The following CYP2D6 variants were observed in gnomAD, a reference collection of about 807,000 sequenced individuals.
CYP2D6 encodes the protein cytochrome P450 family 2 subfamily D member 6 (gene/pseudogene).
A neutral mutation model predicts 43.5 loss-of-function variants in CYP2D6; 51 were observed. The ratio of observed to expected loss-of-function variants is 1.17; its 90% CI spans 0.94 to 1.48. The LOEUF is 1.48. Ranked by LOEUF, CYP2D6 falls within the 40% of genes most tolerant of loss-of-function variation. The probability of loss-of-function intolerance (pLI) is 0.00; values close to 1 mark genes in which losing one functional copy is unlikely to be tolerated. For missense variants in CYP2D6, 698 were observed against 688.0 expected (o/e 1.01, Z -0.16); for synonymous variants, 346 against 297.1 (o/e 1.16, Z -1.69).
At position 42,127,836 on chromosome 22, in the gene CYP2D6, G is replaced by C. The variant is rs1376594434; in HGVS notation, c.985+6C>G. The C allele has an allele frequency of 6.2e-7, 1 of 1,610,614 alleles. No individual in the cohort carries two copies. The highest frequency in any genetic ancestry group is 1.3e-5 in the African/African-American group (1 of 74,280). The stretch of plus-strand genomic sequence containing the variant: ...GGCCCCTGCACTGTTTCCCAGATGG[G>C]CTCACGCTGCACATCCGGATGTAGG... On this transcript the variant is annotated splice_donor_region_variant and intron_variant, in intron 6 of 8. Transcript: ENST00000645361.
In CYP2D6 at chr22:42,126,734, C is replaced by T. The variant is rs267608318; in HGVS notation, c.1334G>A (p.Gly445Glu). ...PFSAGRRACLGEPLARMELFL... is the reference protein window; with the variant it reads ...PFSAGRRACLEEPLARMELFL... ...GAGCTCCATGCGGGCCAGGGGCTCCCCGAGGCATGCACGGCGGCCTGTGGG... is the reference window on the plus strand; with the variant it reads ...GAGCTCCATGCGGGCCAGGGGCTCCTCGAGGCATGCACGGCGGCCTGTGGG... The change falls in exon 9 of 9, where the codon GGG becomes GAG. Residue 445 changes from glycine to glutamate, a missense_variant. Gly to Glu is a moderately conservative substitution (Grantham distance 98). This residue lies in a region of CYP2D6 where 85 missense variants were observed against 81.2 expected (regional missense o/e 1.05). Coordinates refer to ENST00000645361, the MANE Select transcript of CYP2D6 (RefSeq NM_000106.6). 5 of 1,556,922 alleles carry T rather than the reference C, an allele frequency of 3.2e-6. No individual in the cohort carries two copies. In the African/African-American group the frequency reaches 4.1e-5, roughly 13 times the overall value.
chr22:42,127,546 G>C lies in CYP2D6; in HGVS notation c.1074C>G (p.Ala358=). 1 of 1,612,172 alleles carries C rather than the reference G, an allele frequency of 6.2e-7. No homozygotes were observed. The part of the protein sequence containing the change: ...GDQAHMPYTT[A]VIHEVQRFGD... The stretch of plus-strand genomic sequence containing the variant: ...CAAAGCGCTGCACCTCATGAATCAC[G>C]GCAGTGGTGTAGGGCATGTGAGCCT... The change falls in exon 7 of 9, where the codon GCC becomes GCG. Residue 358 remains alanine (A), a synonymous_variant. Transcript: ENST00000645361.
Position 42,130,456 on chromosome 22 carries a change from C to A in CYP2D6, c.180+156G>T, listed in dbSNP as rs1450718033. The stretch of plus-strand genomic sequence containing the variant: ...CCTTTGGAAAATCCAGTCCTTCATG[C>A]CATGTATAAATGCCCTTCTCCAGGA... On this transcript the variant is annotated intron_variant, in intron 1 of 8. Coordinates refer to ENST00000645361, the MANE Select transcript of CYP2D6 (RefSeq NM_000106.6). The A allele has an allele frequency of 4.6e-6, 4 of 873,750 alleles. No homozygotes were observed. The African/African-American group carries it at 5.1e-5, about 11-fold the overall frequency. 54.1% of individuals were successfully genotyped at this position (873,750 alleles called of 1,614,324 possible).
intron 2 of CYP2D6, chr22:42,129,401 G>A: frequency 1.2e-6 from 1 of 817,840 alleles, no homozygotes; most frequent in Non-Finnish European, 2.0e-6. Context: ...TTTGCACTCA[G>A]GGAAGACCCC....
chr22:42,128,743 G>C (rs1249585694), intron 4 of CYP2D6, 41 bp downstream of exon 4: 1 of 1,587,246 alleles, frequency 6.3e-7, no homozygotes, highest in South Asian at 1.1e-5. Flanking sequence ...CACCTCTCGG[G>C]AGCTCGCCCT....
In CYP2D6 at chr22:42,127,858, T is replaced by C; in HGVS notation, c.969A>G (p.Leu323=). 3 of 1,610,886 alleles carry C rather than the reference T, an allele frequency of 1.9e-6. No individual in the cohort carries two copies. Among genetic ancestry groups the C allele is most frequent in the Non-Finnish European group, 2.5e-6 (3 of 1,178,050 alleles). Residue 323 remains leucine, a synonymous_variant, in exon 6 of 9, where the codon CTA becomes CTG. Transcript: ENST00000645361. The part of the protein sequence containing the change: ...TLAWGLLLMI[L]HPDVQRRVQQ... The stretch of plus-strand genomic sequence containing the variant: ...TGGGCTCACGCTGCACATCCGGATG[T>C]AGGATCATGAGCAGGAGGCCCCAGG...
In CYP2D6 at chr22:42,130,718, C is replaced by G. The variant is rs138417770; in HGVS notation, c.74G>C (p.Arg25Pro). 3 of 1,601,558 alleles carry G rather than the reference C, an allele frequency of 1.9e-6. No individual in the cohort carries two copies. Among genetic ancestry groups the G allele is most frequent in the Non-Finnish European group, 2.6e-6 (3 of 1,173,686 alleles). ...GTAGCGTGCAGCCCAGCGTTGGCGC[C>G]GGTGCATCAGGTCCACCAGGAGCAG... is the stretch of plus-strand genomic sequence containing the variant. ...IFLLLVDLMH[R>P]RQRWAARYPP... Residue 25 changes from arginine (R) to proline (P), a missense_variant, in exon 1 of 9, where the codon CGG (arginine) becomes CCG (proline). Coordinates refer to ENST00000645361, the MANE Select transcript of CYP2D6 (RefSeq NM_000106.6).
rs267608303 is a variant in CYP2D6, at chr22:42,129,171, G to A, written c.367C>T (p.Arg123Cys). ...TGCTCGCGCCACGCGGGCCCATAGCGCGCCAGGAACACCCCTGGGGGTGGG... is the reference window on the plus strand; with the variant it reads ...TGCTCGCGCCACGCGGGCCCATAGCACGCCAGGAACACCCCTGGGGGTGGG... ...GPRSQGVFLA[R>C]YGPAWREQRR... is the part of the protein sequence containing the mutation. Residue 123 changes from arginine (R) to cysteine (C), a missense_variant, in exon 3 of 9, where the codon CGC becomes TGC. Around this residue, in one of 5 missense-constraint regions of CYP2D6, gnomAD observed 588 missense variants for 521.1 expected, o/e 1.13. Transcript: ENST00000645361. 8.7e-6 allele frequency: 14 copies of A among 1,605,624 alleles called. 1 individual carries two copies. The highest frequency in any genetic ancestry group is 8.4e-5 in the Admixed American group (5 of 59,870).
At chr22:42,129,951 C>T in intron 1 of CYP2D6, 42 bp from the exon 2 acceptor site, 1 of 1,488,858 alleles carries the variant, frequency 6.7e-7, no homozygotes, top group Non-Finnish European at 9.0e-7. Context: ...GCCAGGATCA[C>T]CCCAGACTAC....
rs2146945299 is a variant in CYP2D6 at position 42,130,801 on chromosome 22, A to C, written c.-10T>G. The C allele has an allele frequency of 6.4e-7, 1 of 1,559,368 alleles. No homozygotes were observed. Among genetic ancestry groups the C allele is most frequent in the Non-Finnish European group, 8.7e-7 (1 of 1,150,794 alleles). Reference sequence around the variant, plus strand: ...GTGCTTCTAGCCCCATACCTGCCTCACTACCAAATGGGCTCCTCTGGACAC... The same window carrying C: ...GTGCTTCTAGCCCCATACCTGCCTCCCTACCAAATGGGCTCCTCTGGACAC... On this transcript the variant is annotated 5_prime_UTR_variant, in exon 1 of 9. Transcript: ENST00000645361.
intron 2 of CYP2D6, 105 bp from the exon 3 acceptor site, chr22:42,129,290 T>A: frequency 2.1e-6 from 3 of 1,407,702 alleles, no homozygotes; most frequent in Non-Finnish European, 2.9e-6. Flanking sequence ...AGTCCCTGGC[T>A]CTGTCCAGCT....
chr22:42,128,783 C>A lies in CYP2D6; in HGVS notation c.666+1G>T. 1 of 1,605,496 alleles carries A rather than the reference C, an allele frequency of 6.2e-7. No homozygotes were observed. Among genetic ancestry groups the A allele is most frequent in the Non-Finnish European group, 8.5e-7 (1 of 1,175,492 alleles). On this transcript the variant is annotated splice_donor_variant, in intron 4 of 8. Transcript: ENST00000645361. LOFTEE classifies it high-confidence loss of function. Reference sequence around the variant, plus strand: ...AGACTCCTCGGTCTCTCGCTCCGCACCTCGCGCAGAAAGCCCGACTCCTCC... The same window carrying A: ...AGACTCCTCGGTCTCTCGCTCCGCAACTCGCGCAGAAAGCCCGACTCCTCC...
intron 6 of CYP2D6, 86 bp downstream of exon 6, chr22:42,127,756 A>G (rs2146932256): frequency 1.3e-6 from 2 of 1,578,698 alleles, no homozygotes; most frequent in Non-Finnish European, 1.7e-6. Context: ...CTGTGCTTGG[A>G]GCCCCGGGTG....
Position 42,129,799 on chromosome 22 carries a change from G to C in CYP2D6, c.291C>G (p.Asp97Glu), listed in dbSNP as rs76802407. 1.7e-4 allele frequency: 267 copies of C among 1,606,714 alleles called. 15 individuals are homozygous for C. In the African/African-American group the frequency reaches 2.8e-3, roughly 17 times the overall value. The change falls in exon 2 of 9, where the codon GAC becomes GAG. Residue 97 changes from aspartate to glutamate, a missense_variant. By Grantham distance (45) the Asp-to-Glu change is conservative (BLOSUM62 2). Around this residue, in one of 5 missense-constraint regions of CYP2D6, gnomAD observed 588 missense variants for 521.1 expected, o/e 1.13. Transcript: ENST00000645361. ...VREALVTHGEDTADRPPVPIT... is the reference protein window; with the variant it reads ...VREALVTHGEETADRPPVPIT... ...TGGGCACAGGCGGGCGGTCGGCGGT[G>C]TCCTCGCCGTGGGTCACCAGCGCCT...
At chr22:42,128,085 C>G in intron 5 of CYP2D6, 89 bp downstream of exon 5, 2 of 1,587,154 alleles carry the variant, frequency 1.3e-6, no homozygotes, top group Non-Finnish European at 1.7e-6. Flanking sequence ...GGGTGATGCA[C>G]TGGTCCAACC....
At position 42,127,584 on chromosome 22, in the gene CYP2D6, C is replaced by A; in HGVS notation, c.1036G>T (p.Glu346Ter). The A allele has an allele frequency of 1.2e-6, 2 of 1,612,188 alleles. No homozygotes were observed. The highest frequency in any genetic ancestry group is 1.7e-6 in the Non-Finnish European group (2 of 1,178,740). The stretch of plus-strand genomic sequence containing the variant: ...GGCATGTGAGCCTGGTCACCCATCT[C>A]TGGTCGCCGCACCTGCCCTATCACG... ...DDVIGQVRRP[E>*]MGDQAHMPYT... The change falls in exon 7 of 9, where the codon GAG (glutamate) becomes TAG (stop). Residue 346 changes from glutamate to a stop codon, truncating the protein, a stop_gained. Coordinates refer to ENST00000645361, the MANE Select transcript of CYP2D6 (RefSeq NM_000106.6). LOFTEE classifies it high-confidence loss of function.
Position 42,128,128 on chromosome 22 carries a change from C to T in CYP2D6, c.843+46G>A, listed in dbSNP as rs28371722. 2,989 of 1,580,656 alleles carry T rather than the reference C, an allele frequency of 1.9e-3. 176 individuals carry two copies. In the East Asian group the frequency reaches 0.046, roughly 24 times the overall value. On this transcript the variant is annotated intron_variant, in intron 5 of 8. Coordinates refer to ENST00000645361, the MANE Select transcript of CYP2D6 (RefSeq NM_000106.6). ...CAGCCTCCCCTCATTCCTCCTGGGACGCTCAACCCACCACCCTTGCCCCCC... is the reference window on the plus strand; with the variant it reads ...CAGCCTCCCCTCATTCCTCCTGGGATGCTCAACCCACCACCCTTGCCCCCC...
chr22:42,128,421 G>A lies in CYP2D6; in HGVS notation c.667-71C>T, dbSNP rs528088832. The A allele has an allele frequency of 3.1e-5, 48 of 1,555,366 alleles. 2 individuals carry two copies. The highest frequency in any genetic ancestry group is 3.5e-5 in the Non-Finnish European group (40 of 1,129,342). ...TCACCTGGACAAGTCTCAGGCCCCA[G>A]CCATCTCCAGGTAGACCCAGGGCCT... On this transcript the variant is annotated intron_variant, in intron 4 of 8. Coordinates refer to ENST00000645361, the MANE Select transcript of CYP2D6 (RefSeq NM_000106.6).
intron 5 of CYP2D6, 64 bp from the exon 6 acceptor site, chr22:42,128,047 G>A (rs546472357): frequency 1.1e-5 from 18 of 1,606,042 alleles, no homozygotes; most frequent in African/African-American, 6.7e-5. Flanking sequence ...CTCCAATTCT[G>A]CACCTGTCAG....
Sources: allele counts gnomAD v4.1 joint callset, GRCh38; gene constraint gnomAD v4.1.1; regional missense constraint gnomAD v4.1.1; transcripts MANE v1.5; gene names NCBI Gene and HGNC (gene_info 2026-07-23, HGNC 2026-07-21).